Variants in IGSF21 observed in about 807,000 individuals in gnomAD.
IGSF21 encodes the protein immunoglobin superfamily member 21.
In IGSF21, 28 loss-of-function variants were observed where a neutral mutation model predicts 46.8. That is an observed-to-expected ratio of 0.60 (90% confidence interval 0.44 to 0.82). The LOEUF is 0.82. Ranked by LOEUF, IGSF21 falls within the 40% of genes least tolerant of loss-of-function variation. IGSF21 has a pLI of 0.00. For missense variants in IGSF21, 624 were observed against 665.5 expected (o/e 0.94, Z 0.69); for synonymous variants, 284 against 273.6 (o/e 1.04, Z -0.38).
intron 3 of IGSF21, among the ~76,000 whole-genome samples, chr1:18,310,121 C>T (rs990382899): frequency 1.3e-5 from 2 of 152,244 alleles, no homozygotes; most frequent in African/African-American, 4.8e-5. Flanking sequence ...TGAAGGCTGA[C>T]AGAACCAACA....
At chr1:18,178,044 C>A (rs755588508) in intron 1 of IGSF21, among the ~76,000 whole-genome samples, 32 of 151,628 alleles carry the variant, frequency 2.1e-4, no homozygotes, top group Non-Finnish European at 4.4e-4. Context: ...ACAGATATAA[C>A]CTTGAAGTGT....
intron 2 of IGSF21, among the ~76,000 whole-genome samples, chr1:18,264,166 G>A (rs748727886): frequency 2.2e-4 from 33 of 152,130 alleles, no homozygotes; most frequent in Non-Finnish European, 3.7e-4. Flanking sequence ...CCAGGAGTCT[G>A]CAGTCCCCTC....
chr1:18,365,271 G>T lies in IGSF21; in HGVS notation c.589G>T (p.Glu197Ter). 1.9e-6 allele frequency: 3 copies of T among 1,613,502 alleles called. No homozygotes were observed. Among genetic ancestry groups the T allele is most frequent in the Non-Finnish European group, 2.5e-6 (3 of 1,179,632 alleles). Residue 197 changes from glutamate to a stop codon, truncating the protein, a stop_gained, in exon 6 of 10, where the codon GAG becomes TAG. Transcript: ENST00000251296. LOFTEE classifies it high-confidence loss of function. The surrounding 1 kb of genome is among the most constrained non-coding windows in gnomAD (Gnocchi z 4.8). Reference protein sequence around the residue: ...GEPIDAVPLSEPPAASSGPLQ... With the variant: ...GEPIDAVPLS ...ACCAATCGACGCAGTGCCCCTATCA[G>T]AGCCACCAGCTGCGAGCTCCGGCCC...
chr1:18,163,812 C>T (rs540342674), intron 1 of IGSF21, among the ~76,000 whole-genome samples: 2 of 152,290 alleles, frequency 1.3e-5, no homozygotes, highest in Admixed American at 6.5e-5. Flanking sequence ...TCTTCACAGC[C>T]TAGGGGCACT....
At chr1:18,139,432 G>C (rs1435146471) in intron 1 of IGSF21, among the ~76,000 whole-genome samples, 1 of 152,170 alleles carries the variant, frequency 6.6e-6, no homozygotes, top group Non-Finnish European at 1.5e-5. Flanking sequence ...CTCCCTGGGC[G>C]ATCCATCTCA....
intron 1 of IGSF21, among the ~76,000 whole-genome samples, chr1:18,182,115 T>C (rs1453139512): frequency 6.6e-6 from 1 of 151,964 alleles, no homozygotes; most frequent in Non-Finnish European, 1.5e-5. Flanking sequence ...AGACCAAGCT[T>C]TCCTTCCTTT....
At chr1:18,306,196 A>G (rs1427631783) in intron 3 of IGSF21, among the ~76,000 whole-genome samples, 2 of 151,978 alleles carry the variant, frequency 1.3e-5, no homozygotes, top group African/African-American at 2.4e-5. Flanking sequence ...GGCCAGCCTC[A>G]TCTCCTACCC....
chr1:18,201,129 G>A (rs935429078), intron 1 of IGSF21, among the ~76,000 whole-genome samples: 5 of 152,178 alleles, frequency 3.3e-5, no homozygotes, highest in African/African-American at 1.2e-4. Context: ...CTGGGTAGAG[G>A]AAGGAGCTTG....
intron 1 of IGSF21, chr1:18,111,834 C>G (rs537329353): frequency 6.6e-6 from 1 of 152,378 alleles, no homozygotes; most frequent in Admixed American, 6.5e-5. Context: ...GCCCCAGGCT[C>G]CTCTTTCCGC....
At chr1:18,168,134 C>A (rs763589251) in intron 1 of IGSF21, among the ~76,000 whole-genome samples, 1 of 152,140 alleles carries the variant, frequency 6.6e-6, no homozygotes, top group African/African-American at 2.4e-5. Context: ...GGTGAAGACA[C>A]GTTAAACCCT....
chr1:18,357,046 G>A (rs543742674), intron 4 of IGSF21, among the ~76,000 whole-genome samples: 1 of 151,382 alleles, frequency 6.6e-6, no homozygotes, highest in Non-Finnish European at 1.5e-5. Flanking sequence ...TGGGGAAGGG[G>A]ATGTGGATGA....
chr1:18,291,718 C>T, intron 2 of IGSF21, 148 bp from the exon 3 acceptor site: 2 of 946,158 alleles, frequency 2.1e-6, no homozygotes, highest in Non-Finnish European at 3.1e-6. Flanking sequence ...TCGCTGCCTC[C>T]AGGAAGCCCT....
At chr1:18,175,991 G>T (rs571416159) in intron 1 of IGSF21, among the ~76,000 whole-genome samples, 3 of 152,310 alleles carry the variant, frequency 2.0e-5, no homozygotes, top group African/African-American at 7.2e-5. Flanking sequence ...CAGTCCCTGG[G>T]CATGCCGCTG....
chr1:18,353,669 G>C (rs992388022), intron 4 of IGSF21, among the ~76,000 whole-genome samples: 1 of 152,180 alleles, frequency 6.6e-6, no homozygotes, highest in Non-Finnish European at 1.5e-5. Flanking sequence ...TCCTGACAAG[G>C]CTCAGCCAGG....
chr1:18,254,645 C>T (rs2084873559), intron 2 of IGSF21, among the ~76,000 whole-genome samples: 1 of 152,140 alleles, frequency 6.6e-6, no homozygotes, highest in African/African-American at 2.4e-5. Context: ...TGTCAGGTGG[C>T]CTTCTCAGGT....
At chr1:18,131,972 G>A (rs1476675551) in intron 1 of IGSF21, among the ~76,000 whole-genome samples, 2 of 152,188 alleles carry the variant, frequency 1.3e-5, no homozygotes, top group Admixed American at 1.3e-4. Context: ...CTGAGGAGGA[G>A]AGATATGAAT....
rs571724555 is a variant in IGSF21, at chr1:18,209,167, G to A, written c.71-18731G>A. 3.3e-5 allele frequency among the ~76,000 whole-genome samples: 5 copies of A among 152,238 alleles called. No homozygotes were observed. In the East Asian group the frequency reaches 9.7e-4, roughly 29 times the overall value. ...TAACTATAAATTATACCTACAAAAA[G>A]GAATAAAATCATTACAATAGTGGTA... On this transcript the variant is annotated intron_variant, in intron 1 of 9. Coordinates refer to ENST00000251296, the MANE Select transcript of IGSF21 (RefSeq NM_032880.5).
At chr1:18,281,400 T>C (rs891021297) in intron 2 of IGSF21, among the ~76,000 whole-genome samples, 1 of 151,342 alleles carries the variant, frequency 6.6e-6, no homozygotes, top group African/African-American at 2.4e-5. Context: ...AGGTCTCTAC[T>C]AAAAAAAATA....
chr1:18,201,690 C>G (rs1164154693), intron 1 of IGSF21, among the ~76,000 whole-genome samples: 1 of 152,102 alleles, frequency 6.6e-6, no homozygotes, highest in Non-Finnish European at 1.5e-5. Context: ...GACTTTGCCT[C>G]CTCTGCCCTC....
Sources: gnomAD v4.1 joint callset for allele counts (sites outside exome capture counted in the v4.1 genomes callset) on GRCh38, gnomAD v4.1.1 for gene constraint, Gnocchi (gnomAD v3.1) non-coding constraint, MANE v1.5 for transcripts, NCBI Gene and HGNC (gene_info 2026-07-23, HGNC 2026-07-21) for gene names.